Variants in OXR1 observed in about 807,000 individuals in gnomAD.
OXR1 encodes oxidation resistance 1.
Under a neutral mutation model 104.6 loss-of-function variants are expected in OXR1, and 41 were observed. The ratio of observed to expected loss-of-function variants is 0.39; its 90% CI spans 0.31 to 0.51. The LOEUF is 0.51. Ranked by LOEUF, OXR1 falls within the 20% of genes least tolerant of loss-of-function variation. OXR1 has a pLI of 0.77. For synonymous variants in OXR1, 348 were observed against 348.4 expected (o/e 1.00, Z 0.01); for missense variants, 955 against 1,031.9 (o/e 0.93, Z 1.02).
intron 2 of OXR1, among the ~76,000 whole-genome samples, chr8:106,465,230 G>C (rs1586675713): frequency 1.3e-5 from 2 of 151,922 alleles, no homozygotes; most frequent in East Asian, 3.9e-4. Flanking sequence ...ATTCCCAGTG[G>C]AAGGAAAGTA....
intron 3 of OXR1, among the ~76,000 whole-genome samples, chr8:106,555,918 G>GTATATATATA: frequency 3.7e-5 from 1 of 26,922 alleles, no homozygotes. Context: ...GTAGGCATAC[G>GTATATATATA]TATATATATG....
chr8:106,580,533 A>C (rs895974015), intron 3 of OXR1, among the ~76,000 whole-genome samples: 2 of 152,216 alleles, frequency 1.3e-5, no homozygotes, highest in African/African-American at 4.8e-5. Context: ...TGTGAACATA[A>C]ATATGCAGAT....
At chr8:106,273,328 A>G (rs1811895624) in intron 1 of OXR1, among the ~76,000 whole-genome samples, 1 of 152,232 alleles carries the variant, frequency 6.6e-6, no homozygotes, top group South Asian at 2.1e-4. Flanking sequence ...ATGTCAGTCA[A>G]AGTGGAAGAA....
intron 2 of OXR1, among the ~76,000 whole-genome samples, chr8:106,429,113 C>T (rs1423948726): frequency 6.6e-6 from 1 of 152,026 alleles, no homozygotes; most frequent in Non-Finnish European, 1.5e-5. Context: ...GCTTTATTGT[C>T]CTGGGCTCGC....
intron 2 of OXR1, among the ~76,000 whole-genome samples, chr8:106,471,118 A>G (rs1016856808): frequency 1.3e-5 from 2 of 151,672 alleles, no homozygotes; most frequent in South Asian, 2.1e-4. Context: ...GGATCAAAAG[A>G]AAGTATTTAT....
At chr8:106,720,569 A>G (rs1450422028) in intron 11 of OXR1, 1 of 193,780 alleles carries the variant, frequency 5.2e-6, no homozygotes, top group African/African-American at 2.4e-5. Flanking sequence ...CTATGGAAAA[A>G]GGTTTGTTTA....
intron 3 of OXR1, among the ~76,000 whole-genome samples, chr8:106,551,932 C>T (rs1035363271): frequency 6.1e-5 from 9 of 148,378 alleles, no homozygotes; most frequent in African/African-American, 2.0e-4. Flanking sequence ...CATGGTGGTG[C>T]GCACTGTGGT....
chr8:106,745,893 T>G (rs1251893007), intron 16 of OXR1, 31 bp downstream of exon 16: 1 of 1,240,540 alleles, frequency 8.1e-7, no homozygotes, highest in Non-Finnish European at 1.2e-6. Context: ...ACTATGAGAT[T>G]TTTGAAGAAC....
chr8:106,281,900 A>T lies in OXR1; in HGVS notation c.-139+11533A>T, dbSNP rs1267486499. 5.9e-5 allele frequency among the ~76,000 whole-genome samples: 9 copies of T among 152,024 alleles called. 1 individual carries two copies. The highest frequency in any genetic ancestry group is 2.2e-4 in the African/African-American group (9 of 41,474). On this transcript the variant is annotated intron_variant, in intron 1 of 16. Coordinates refer to ENST00000517566, the MANE Select transcript of OXR1 (RefSeq NM_001198533.2). ...AATATAAGGCCAGGAATGAGGGACC[A>T]TAATTTTTCAGTGAGAAAAATACCC...
intron 1 of OXR1, among the ~76,000 whole-genome samples, chr8:106,324,909 A>G (rs1814401441): frequency 6.6e-6 from 1 of 152,232 alleles, no homozygotes; most frequent in Non-Finnish European, 1.5e-5. Context: ...TTGTGTTGAA[A>G]TAAAATTCAC....
chr8:106,400,074 C>G (rs1817940361), intron 2 of OXR1, among the ~76,000 whole-genome samples: 1 of 151,902 alleles, frequency 6.6e-6, no homozygotes, highest in Non-Finnish European at 1.5e-5. Context: ...TGTGTTTTGC[C>G]CTTTCAAAAT....
intron 2 of OXR1, among the ~76,000 whole-genome samples, chr8:106,476,978 G>A (rs973897799): frequency 6.6e-6 from 1 of 151,884 alleles, no homozygotes; most frequent in Non-Finnish European, 1.5e-5. Context: ...CTGCAGCCAC[G>A]ACTACACAAA....
chr8:106,589,980 T>C (rs1328828456), intron 3 of OXR1, among the ~76,000 whole-genome samples: 1 of 152,156 alleles, frequency 6.6e-6, no homozygotes, highest in Non-Finnish European at 1.5e-5. Flanking sequence ...TACTGTCTTT[T>C]CTTTGACCCT....
intron 11 of OXR1, among the ~76,000 whole-genome samples, chr8:106,732,976 A>T (rs940713827): frequency 2.6e-5 from 4 of 152,190 alleles, no homozygotes; most frequent in Non-Finnish European, 5.9e-5. Flanking sequence ...AATGTTTGGT[A>T]GTATTCATCA....
chr8:106,748,516 C>T (rs563611543), intron 16 of OXR1, among the ~76,000 whole-genome samples: 1 of 141,468 alleles, frequency 7.1e-6, no homozygotes, highest in African/African-American at 2.6e-5. Flanking sequence ...AATTACTATA[C>T]TGATCTGTCT....
chr8:106,339,156 G>A (rs574555398), intron 1 of OXR1, among the ~76,000 whole-genome samples: 3 of 151,618 alleles, frequency 2.0e-5, no homozygotes, highest in Non-Finnish European at 4.4e-5. Context: ...CTGCTCTTTG[G>A]GGATCATTCC....
chr8:106,629,354 G>T (rs1403069839), intron 3 of OXR1, among the ~76,000 whole-genome samples: 2 of 151,966 alleles, frequency 1.3e-5, no homozygotes, highest in East Asian at 3.9e-4. Flanking sequence ...ATTCTCTCCT[G>T]AGAACTTACA....
At chr8:106,568,202 A>G (rs952738425) in intron 3 of OXR1, among the ~76,000 whole-genome samples, 4 of 152,134 alleles carry the variant, frequency 2.6e-5, no homozygotes, top group African/African-American at 9.7e-5. Flanking sequence ...CTCACTTCCT[A>G]GCTGTATGTA....
At chr8:106,494,488 C>T (rs1157986133) in intron 2 of OXR1, among the ~76,000 whole-genome samples, 1 of 152,088 alleles carries the variant, frequency 6.6e-6, no homozygotes, top group Non-Finnish European at 1.5e-5. Context: ...TCCCTTAAAG[C>T]CTGAAGACAG....
Sources: allele counts gnomAD v4.1 joint callset (sites outside exome capture counted in the v4.1 genomes callset), GRCh38; gene constraint gnomAD v4.1.1; transcripts MANE v1.5; gene names NCBI Gene and HGNC (gene_info 2026-07-23, HGNC 2026-07-21).